The following CACNA2D3 variants were observed in gnomAD, a reference collection of about 807,000 sequenced individuals.
CACNA2D3 encodes voltage-dependent calcium channel subunit alpha-2/delta-3.
In CACNA2D3, 60 loss-of-function variants were observed where a neutral mutation model predicts 160.6. That is an observed-to-expected ratio of 0.37 (90% CI 0.30 to 0.46). The LOEUF (loss-of-function observed/expected upper bound fraction) is 0.46, where lower values mean the gene tolerates loss of function less well. Among genes scored for constraint, CACNA2D3 ranks in the 20% least tolerant of loss-of-function variants. CACNA2D3 has a pLI of 1.00. For synonymous variants in CACNA2D3, 558 were observed against 492.9 expected (o/e 1.13, Z -1.75); for missense variants, 1,205 against 1,365.0 (o/e 0.88, Z 1.85).
intron 4 of CACNA2D3, among the ~76,000 whole-genome samples, chr3:54,437,763 T>G (rs1700082169): frequency 6.6e-6 from 1 of 152,250 alleles, no homozygotes; most frequent in Non-Finnish European, 1.5e-5. Context: ...GCAGCATGGA[T>G]GAACATGAAC....
chr3:54,954,622 G>A (rs1701836137), intron 27 of CACNA2D3, among the ~76,000 whole-genome samples: 1 of 152,202 alleles, frequency 6.6e-6, no homozygotes, highest in Non-Finnish European at 1.5e-5. Context: ...GTAGGGTGTG[G>A]AGAAGACAGG....
rs1306521866 is a variant in CACNA2D3, at chr3:54,795,647, T to G, written c.1381-21206T>G. 4.6e-5 allele frequency among the ~76,000 whole-genome samples: 7 copies of G among 152,316 alleles called. No individual in the cohort carries two copies. In the East Asian group the frequency reaches 1.4e-3, roughly 29 times the overall value. ...TTTCACTCTAAGGCAACCATTTTGTTGCTCAATTATTGAGAATCCAATTGG... is the reference window on the plus strand; with the variant it reads ...TTTCACTCTAAGGCAACCATTTTGTGGCTCAATTATTGAGAATCCAATTGG... On this transcript the variant is annotated intron_variant, in intron 13 of 37. Transcript: ENST00000474759.
chr3:54,299,356 TA>T (rs1484816154), intron 2 of CACNA2D3, among the ~76,000 whole-genome samples: 1 of 152,168 alleles, frequency 6.6e-6, no homozygotes, highest in African/African-American at 2.4e-5. Context: ...CCCGCTCCGC[TA>T]GCCTAGCCAC....
At chr3:54,703,043 CAA>C (rs1412640826) in intron 11 of CACNA2D3, among the ~76,000 whole-genome samples, 3 of 151,924 alleles carry the variant, frequency 2.0e-5, no homozygotes, top group Admixed American at 1.3e-4. Flanking sequence ...CACATGGACA[CAA>C]AGAGGGGAAC....
intron 32 of CACNA2D3, among the ~76,000 whole-genome samples, chr3:55,007,437 T>C (rs1234445062): frequency 6.6e-6 from 1 of 152,194 alleles, no homozygotes; most frequent in Non-Finnish European, 1.5e-5. Context: ...TGAAATTAGT[T>C]ATATGATTCC....
intron 2 of CACNA2D3, among the ~76,000 whole-genome samples, chr3:54,305,686 C>G (rs1703582605): frequency 1.3e-5 from 2 of 152,216 alleles, no homozygotes; most frequent in Admixed American, 6.5e-5. Flanking sequence ...TCCAGGACTT[C>G]TTGGAAGTGC....
At chr3:55,056,506 C>T (rs1467656065) in intron 35 of CACNA2D3, among the ~76,000 whole-genome samples, 1 of 152,136 alleles carries the variant, frequency 6.6e-6, no homozygotes, top group Non-Finnish European at 1.5e-5. Context: ...TCTGCACTCC[C>T]ATCTTTACTG....
intron 13 of CACNA2D3, among the ~76,000 whole-genome samples, chr3:54,791,980 G>A (rs777517399): frequency 5.3e-5 from 8 of 152,188 alleles, no homozygotes; most frequent in Non-Finnish European, 1.0e-4. Flanking sequence ...CAATGAACCT[G>A]CTTGGTGCTT....
chr3:54,155,722 ATCAGC>A (rs1401257990), intron 2 of CACNA2D3, among the ~76,000 whole-genome samples: 1 of 152,204 alleles, frequency 6.6e-6, no homozygotes, highest in Non-Finnish European at 1.5e-5. Context: ...ACTCTTTGCC[ATCAGC>A]TCTCATGTTC....
intron 2 of CACNA2D3, among the ~76,000 whole-genome samples, chr3:54,129,001 C>T (rs1699652821): frequency 1.3e-5 from 2 of 152,190 alleles, no homozygotes; most frequent in Admixed American, 6.5e-5. Flanking sequence ...GTAAAACTGA[C>T]AGAATCCTTA....
Position 54,476,373 on chromosome 3 carries a change from G to A in CACNA2D3, c.382-27119G>A, listed in dbSNP as rs55651609. On this transcript the variant is annotated intron_variant, in intron 4 of 37. Transcript: ENST00000474759. Reference sequence around the variant, plus strand: ...GAATAATGCTGCAATGATTGTGGGTGTGCAGCTGTCTCTTTGAGATAGTGA... The same window carrying A: ...GAATAATGCTGCAATGATTGTGGGTATGCAGCTGTCTCTTTGAGATAGTGA... 4.3e-3 allele frequency among the ~76,000 whole-genome samples: 647 copies of A among 151,920 alleles called. 2 individuals are homozygous for A. The highest frequency in any genetic ancestry group is 0.015 in the African/African-American group (624 of 41,440).
chr3:54,841,803 T>G (rs1485100383), intron 16 of CACNA2D3, among the ~76,000 whole-genome samples: 2 of 152,244 alleles, frequency 1.3e-5, no homozygotes, highest in African/African-American at 4.8e-5. Flanking sequence ...TTGGGTTCAC[T>G]TCATTAGCCC....
intron 3 of CACNA2D3, among the ~76,000 whole-genome samples, chr3:54,324,466 G>C (rs370102459): frequency 1.2e-3 from 183 of 152,184 alleles, no homozygotes; most frequent in African/African-American, 4.0e-3. Context: ...AATAACCTTA[G>C]CTTCAGTAAT....
intron 2 of CACNA2D3, among the ~76,000 whole-genome samples, chr3:54,184,560 T>G (rs537127615): frequency 4.6e-5 from 7 of 152,328 alleles, no homozygotes; most frequent in Admixed American, 4.6e-4. Context: ...TACATAGGCC[T>G]TAGTGCAGCC....
intron 16 of CACNA2D3, among the ~76,000 whole-genome samples, chr3:54,839,546 G>A (rs1041915386): frequency 6.6e-6 from 1 of 152,152 alleles, no homozygotes; most frequent in Non-Finnish European, 1.5e-5. Flanking sequence ...TTCTCCCCCA[G>A]CACCAAGCTG....
chr3:54,182,734 G>C, intron 2 of CACNA2D3, among the ~76,000 whole-genome samples: 1 of 152,244 alleles, frequency 6.6e-6, no homozygotes, highest in South Asian at 2.1e-4. Flanking sequence ...GGCCCTGGGC[G>C]ATCACTTCCT....
At chr3:54,218,728 T>C (rs1416873438) in intron 2 of CACNA2D3, among the ~76,000 whole-genome samples, 1 of 152,190 alleles carries the variant, frequency 6.6e-6, no homozygotes, top group Non-Finnish European at 1.5e-5. Flanking sequence ...AGGACTAAAA[T>C]CAAAATGTCA....
intron 2 of CACNA2D3, among the ~76,000 whole-genome samples, chr3:54,296,738 T>C (rs1338012716): frequency 6.6e-6 from 1 of 152,178 alleles, no homozygotes; most frequent in Non-Finnish European, 1.5e-5. Flanking sequence ...TTTCCTTAAT[T>C]AGGTTTCAAG....
intron 4 of CACNA2D3, among the ~76,000 whole-genome samples, chr3:54,419,972 G>A (rs1699812598): frequency 6.6e-6 from 1 of 152,010 alleles, no homozygotes; most frequent in Non-Finnish European, 1.5e-5. Flanking sequence ...CACCATGTTG[G>A]TCAAGCTGGT....
Sources: allele counts gnomAD v4.1 joint callset (sites outside exome capture counted in the v4.1 genomes callset), GRCh38; gene constraint gnomAD v4.1.1; transcripts MANE v1.5; gene names NCBI Gene and HGNC (gene_info 2026-07-23, HGNC 2026-07-21).